The following ZMYND11 variants were observed in gnomAD, a reference collection of about 807,000 sequenced individuals.
ZMYND11 encodes the protein zinc finger MYND-type containing 11.
A neutral mutation model predicts 84.9 loss-of-function variants in ZMYND11; 9 were observed. That is an observed-to-expected ratio of 0.11 (90% CI 0.06 to 0.18). ZMYND11 has a LOEUF of 0.18. Ranked by LOEUF, ZMYND11 falls within the 10% of genes least tolerant of loss-of-function variation. ZMYND11 has a pLI of 1.00. For synonymous variants in ZMYND11, 250 were observed against 244.1 expected (o/e 1.02, Z -0.23); for missense variants, 409 against 761.0 (o/e 0.54, Z 5.44).
chr10:183,468 C>T (rs1400367058), intron 2 of ZMYND11, among the ~76,000 whole-genome samples: 1 of 152,052 alleles, frequency 6.6e-6, no homozygotes, highest in Non-Finnish European at 1.5e-5. Flanking sequence ...TTGTGATGTA[C>T]ATAGCAATTG....
chr10:134,852 C>T (rs1310766693), upstream of ZMYND11: 2 of 152,020 alleles, frequency 1.3e-5, no homozygotes, highest in African/African-American at 2.4e-5. Context: ...TATGCTCCAA[C>T]AAATTTCGGA....
intron 14 of ZMYND11, 163 bp downstream of exon 14, chr10:249,251 T>TG: frequency 6.9e-7 from 1 of 1,452,356 alleles, no homozygotes; most frequent in Non-Finnish European, 9.0e-7. Flanking sequence ...AAAAGTCCTA[T>TG]GATCTCTCAA....
chr10:171,449 A>G (rs1845301471), intron 1 of ZMYND11, among the ~76,000 whole-genome samples: 1 of 152,166 alleles, frequency 6.6e-6, no homozygotes, highest in Non-Finnish European at 1.5e-5. Flanking sequence ...AACTTAATAG[A>G]AATAATATAT....
intron 1 of ZMYND11, among the ~76,000 whole-genome samples, chr10:168,933 G>C (rs1554764765): frequency 6.6e-6 from 1 of 152,142 alleles, no homozygotes; most frequent in African/African-American, 2.4e-5. Context: ...TCACGGGGGA[G>C]GGCTGCCACA....
chr10:232,823 A>G (rs1011613009), intron 4 of ZMYND11, among the ~76,000 whole-genome samples: 10 of 152,206 alleles, frequency 6.6e-5, no homozygotes, highest in Non-Finnish European at 1.2e-4. Context: ...AATACTTAAA[A>G]CATAACTCCC....
At chr10:144,315 GTCAGGCCATCCTCCTGCC>G (rs1365021071) in intron 1 of ZMYND11, among the ~76,000 whole-genome samples, 5 of 152,072 alleles carry the variant, frequency 3.3e-5, no homozygotes, top group Admixed American at 3.3e-4. Context: ...ATTTCCTGGG[GTCAGGCCATCCTCCTGCC>G]TCAACTTCTT....
chr10:199,036 C>T (rs571830009), intron 2 of ZMYND11, among the ~76,000 whole-genome samples: 1 of 152,290 alleles, frequency 6.6e-6, no homozygotes, highest in African/African-American at 2.4e-5. Context: ...ACCTGAATTA[C>T]AGTTTTTGTC....
At chr10:216,776 T>C (rs1281636305) in intron 3 of ZMYND11, among the ~76,000 whole-genome samples, 1 of 152,192 alleles carries the variant, frequency 6.6e-6, no homozygotes, top group Non-Finnish European at 1.5e-5. Context: ...TTATATACTC[T>C]TTTAAGTTTA....
At chr10:132,859 GC>G, upstream of ZMYND11, among the ~76,000 whole-genome samples, 1 of 152,284 alleles carries the variant, frequency 6.6e-6, no homozygotes, top group African/African-American at 2.4e-5. Flanking sequence ...GCTCTGAGAA[GC>G]CCCAGGGCTC....
intron 2 of ZMYND11, among the ~76,000 whole-genome samples, chr10:189,063 A>G (rs1038431397): frequency 6.6e-6 from 1 of 152,216 alleles, no homozygotes; most frequent in African/African-American, 2.4e-5. Flanking sequence ...TGAATGTTTC[A>G]GGTTAGGGCA....
At chr10:146,677 G>A (rs1014600181) in intron 1 of ZMYND11, among the ~76,000 whole-genome samples, 5 of 152,128 alleles carry the variant, frequency 3.3e-5, no homozygotes, top group East Asian at 3.9e-4. Context: ...TGATTTCTTA[G>A]TGATATGGTT....
intron 4 of ZMYND11, among the ~76,000 whole-genome samples, chr10:232,798 GA>G (rs377707903): frequency 6.6e-6 from 1 of 152,270 alleles, no homozygotes; most frequent in Admixed American, 6.5e-5. Flanking sequence ...AATAACTGAA[GA>G]AAAAACCAAC....
chr10:239,740 A>C (rs1302755016), intron 7 of ZMYND11, among the ~76,000 whole-genome samples: 5 of 152,090 alleles, frequency 3.3e-5, no homozygotes, highest in South Asian at 4.1e-4. Flanking sequence ...AAACACAATT[A>C]CTCTTTACAG....
At chr10:142,388 G>C (rs1837700542) in intron 1 of ZMYND11, among the ~76,000 whole-genome samples, 1 of 152,126 alleles carries the variant, frequency 6.6e-6, no homozygotes, top group Non-Finnish European at 1.5e-5. Context: ...ACCTTGCCCA[G>C]CCTGTTTTTT....
At chr10:238,070 G>C (rs1220567321) in intron 6 of ZMYND11, among the ~76,000 whole-genome samples, 2 of 152,172 alleles carry the variant, frequency 1.3e-5, no homozygotes, top group African/African-American at 2.4e-5. Flanking sequence ...GAACTGATCT[G>C]CCGTCTTGGG....
intron 5 of ZMYND11, 85 bp from the exon 6 acceptor site, chr10:237,500 T>C: frequency 3.7e-6 from 3 of 800,288 alleles, no homozygotes; most frequent in Non-Finnish European, 5.8e-6. Flanking sequence ...AATAAAAAGG[T>C]AGAAAATATT....
rs560950089 is a variant in ZMYND11, at chr10:225,024, C to T, written c.438+3668C>T. 6.8e-4 allele frequency among the ~76,000 whole-genome samples: 104 copies of T among 152,250 alleles called. 1 individual carries two copies. Among genetic ancestry groups the T allele is most frequent in the Non-Finnish European group, 1.1e-3 (73 of 68,022 alleles). ...CCAGGAAAAAAATAAGAAAATCATA[C>T]TCTTTTGTGAAAATTGCTTTTAAGA... is the stretch of plus-strand genomic sequence containing the variant. On this transcript the variant is annotated intron_variant, in intron 4 of 14. Transcript: ENST00000381604.
intron 1 of ZMYND11, among the ~76,000 whole-genome samples, chr10:163,617 C>T (rs1268996838): frequency 2.0e-5 from 3 of 152,004 alleles, no homozygotes; most frequent in Admixed American, 6.6e-5. Context: ...ATATTAATTA[C>T]ATATATTTTA....
At chr10:200,349 CAT>C (rs933172966) in intron 2 of ZMYND11, among the ~76,000 whole-genome samples, 5 of 140,676 alleles carry the variant, frequency 3.6e-5, no homozygotes, top group South Asian at 2.2e-4. Context: ...AACATATATA[CAT>C]ATATGTGTAT....
Sources: allele counts gnomAD v4.1 joint callset (sites outside exome capture counted in the v4.1 genomes callset), GRCh38; gene constraint gnomAD v4.1.1; transcripts MANE v1.5; gene names NCBI Gene and HGNC (gene_info 2026-07-23, HGNC 2026-07-21).